TENM4: variants seen among roughly 807,000 people sequenced by gnomAD.
The protein encoded by TENM4 is teneurin-4.
A neutral mutation model predicts 243.3 loss-of-function variants in TENM4; 82 were observed. That is an observed-to-expected ratio of 0.34 (90% confidence interval 0.28 to 0.40). The LOEUF (loss-of-function observed/expected upper bound fraction) is 0.40, where lower values mean the gene tolerates loss of function less well. Among genes scored for constraint, TENM4 ranks in the 10% least tolerant of loss-of-function variants. TENM4 has a pLI of 1.00. For synonymous variants in TENM4, 1,412 were observed against 1,456.3 expected, an observed-to-expected ratio of 0.97 and a Z score of 0.69; for missense variants, 3,138 against 3,673.3, an observed-to-expected ratio of 0.85 and a Z score of 3.77.
rs763928282 is a variant in TENM4, at chr11:78,658,781, C to A, written c.7587G>T (p.Gln2529His). The change falls in exon 34 of 34, where the codon CAG becomes CAT. Residue 2529 changes from glutamine to histidine, a missense_variant. By Grantham distance (24) the Gln-to-His change is conservative. Coordinates refer to ENST00000278550, the MANE Select transcript of TENM4 (RefSeq NM_001098816.3). Reference sequence around the variant, plus strand: ...GTTCTAAGGTGACAAAGGCCTTGAGCTGCTTCTGTACTTCACACTGTACCC... The same window carrying A: ...GTTCTAAGGTGACAAAGGCCTTGAGATGCTTCTGTACTTCACACTGTACCC... ...ILGVQCEVQK[Q>H]LKAFVTLERF... 1 of 1,613,852 alleles carries A rather than the reference C, an allele frequency of 6.2e-7. No homozygotes were observed. The highest frequency in any genetic ancestry group is 8.5e-7 in the Non-Finnish European group (1 of 1,179,868).
In TENM4 at chr11:78,729,373, T is replaced by C; in HGVS notation, c.3406+3A>G. 6.4e-7 allele frequency: 1 copy of C among 1,568,986 alleles called. No homozygotes were observed. The highest frequency in any genetic ancestry group is 1.4e-5 in the African/African-American group (1 of 74,070). ...CTCTGAGTCCTGCAGCCGGGAGGCT[T>C]ACCAAAGGCTTCTGAAAGCCCAAAC... is the stretch of plus-strand genomic sequence containing the variant. On this transcript the variant is annotated splice_donor_region_variant and intron_variant, in intron 22 of 33. Transcript: ENST00000278550.
chr11:78,708,613 A>ATGAT, intron 26 of TENM4, 98 bp from the exon 27 acceptor site: 3 of 1,413,426 alleles, frequency 2.1e-6, no homozygotes, highest in African/African-American at 1.4e-5. Context: ...CCTCCTCTAC[A>ATGAT]TGATTGGGTT....
intron 6 of TENM4, among the ~76,000 whole-genome samples, chr11:78,974,321 G>GATCTCAT (rs1565150550): frequency 6.6e-6 from 1 of 152,120 alleles, no homozygotes; most frequent in African/African-American, 2.4e-5. Context: ...TCACAGCCAT[G>GATCTCAT]ATCTCATGTG....
chr11:78,753,420 A>C (rs1856235700), intron 19 of TENM4, among the ~76,000 whole-genome samples: 1 of 152,226 alleles, frequency 6.6e-6, no homozygotes, highest in African/African-American at 2.4e-5. Context: ...CCCTCATATG[A>C]GAGGACAGAA....
At chr11:79,437,432 C>A (rs968023893) in intron 1 of TENM4, among the ~76,000 whole-genome samples, 1 of 151,928 alleles carries the variant, frequency 6.6e-6, no homozygotes, top group African/African-American at 2.4e-5. Context: ...GCGGCCGGGA[C>A]CCTGCACTGT....
At chr11:79,400,145 A>ACACACACACACACC (rs1333144765) in intron 1 of TENM4, among the ~76,000 whole-genome samples, 1 of 130,602 alleles carries the variant, frequency 7.7e-6, no homozygotes, top group Non-Finnish European at 1.6e-5. Context: ...ACACACACAC[A>ACACACACACACACC]CCCTCCAGGA....
intron 2 of TENM4, among the ~76,000 whole-genome samples, chr11:79,241,053 T>C (rs1354003761): frequency 1.3e-5 from 2 of 152,164 alleles, no homozygotes; most frequent in East Asian, 1.9e-4. Flanking sequence ...CACAAAGTAG[T>C]TTTAAAATGC....
intron 6 of TENM4, among the ~76,000 whole-genome samples, chr11:78,904,209 A>C (rs1438167826): frequency 2.0e-5 from 3 of 151,656 alleles, no homozygotes; most frequent in Non-Finnish European, 4.4e-5. Flanking sequence ...AAATACAAAA[A>C]ATTAGCCGGG....
intron 2 of TENM4, among the ~76,000 whole-genome samples, chr11:79,248,003 G>T (rs1855549321): frequency 6.6e-6 from 1 of 152,200 alleles, no homozygotes; most frequent in South Asian, 2.1e-4. Context: ...CTGATGGCTT[G>T]TCCTCTGGTC....
At chr11:78,737,067 A>G (rs1331149293) in intron 20 of TENM4, among the ~76,000 whole-genome samples, 1 of 152,244 alleles carries the variant, frequency 6.6e-6, no homozygotes, top group Non-Finnish European at 1.5e-5. Flanking sequence ...AGGACTGACG[A>G]TTTGCCATCT....
intron 1 of TENM4, among the ~76,000 whole-genome samples, chr11:79,380,788 A>G (rs1319178265): frequency 6.6e-6 from 1 of 152,230 alleles, no homozygotes; most frequent in Non-Finnish European, 1.5e-5. Flanking sequence ...GAAAGGCAAT[A>G]GAACCATTAC....
chr11:79,332,337 A>ATT (rs1366236696), intron 1 of TENM4, among the ~76,000 whole-genome samples: 58 of 152,196 alleles, frequency 3.8e-4, no homozygotes, highest in Non-Finnish European at 1.6e-4. Context: ...GACTAAGGCC[A>ATT]CAAACCAAAT....
At chr11:79,078,983 G>A (rs1411708708) in intron 4 of TENM4, among the ~76,000 whole-genome samples, 1 of 152,164 alleles carries the variant, frequency 6.6e-6, no homozygotes, top group Non-Finnish European at 1.5e-5. Context: ...TGTTCTATTT[G>A]TTCTTTCACC....
intron 3 of TENM4, among the ~76,000 whole-genome samples, chr11:79,208,760 A>G (rs1479419083): frequency 1.3e-5 from 2 of 152,222 alleles, no homozygotes; most frequent in African/African-American, 4.8e-5. Flanking sequence ...TAGGCGCTCA[A>G]CAAATGTCTG....
chr11:78,687,998 C>T, intron 29 of TENM4, 56 bp downstream of exon 29: 1 of 1,581,132 alleles, frequency 6.3e-7, no homozygotes, highest in Admixed American at 1.7e-5. Flanking sequence ...CATCCTCCTC[C>T]AAAGGGGTCT....
At chr11:79,398,690 A>G (rs1858396093) in intron 1 of TENM4, among the ~76,000 whole-genome samples, 1 of 150,814 alleles carries the variant, frequency 6.6e-6, no homozygotes, top group African/African-American at 2.4e-5. Context: ...TATTCAATAA[A>G]TATATTTTGA....
intron 15 of TENM4, among the ~76,000 whole-genome samples, chr11:78,798,090 T>C (rs1857197592): frequency 6.6e-6 from 1 of 152,240 alleles, no homozygotes; most frequent in South Asian, 2.1e-4. Context: ...ACAATTTCTC[T>C]GGCATTAAAG....
Position 79,280,597 on chromosome 11 carries a change from G to A in TENM4, c.-265+16891C>T, listed in dbSNP as rs1403386671. On this transcript the variant is annotated intron_variant, in intron 2 of 33. Coordinates refer to ENST00000278550, the MANE Select transcript of TENM4 (RefSeq NM_001098816.3). ...GCTGTAATCACCCACGCCTGGCCCC[G>A]GGACACATAGGAGGCTGTGATTCCC... Among the ~76,000 whole-genome samples the A allele has an allele frequency of 4.6e-5, 7 of 152,148 alleles. No individual in the cohort carries two copies. In the South Asian group the frequency reaches 8.3e-4, roughly 18 times the overall value.
At chr11:79,353,186 G>C (rs1275197707) in intron 1 of TENM4, among the ~76,000 whole-genome samples, 1 of 152,184 alleles carries the variant, frequency 6.6e-6, no homozygotes, top group Non-Finnish European at 1.5e-5. Flanking sequence ...CTTGCTGAGG[G>C]CTGGAGGAAG....
Sources: gnomAD v4.1 joint callset for allele counts (sites outside exome capture counted in the v4.1 genomes callset) on GRCh38, gnomAD v4.1.1 for gene constraint, MANE v1.5 for transcripts, NCBI Gene and HGNC (gene_info 2026-07-23, HGNC 2026-07-21) for gene names.